OSBPL8: variants seen among roughly 807,000 people sequenced by gnomAD.
The protein encoded by OSBPL8 is oxysterol-binding protein-related protein 8.
Under a neutral mutation model 125.5 loss-of-function variants are expected in OSBPL8, and 59 were observed. The ratio of observed to expected loss-of-function variants is 0.47; its 90% CI spans 0.38 to 0.58. The LOEUF (loss-of-function observed/expected upper bound fraction) is 0.58, where lower values mean the gene tolerates loss of function less well. OSBPL8 is among the 20% of genes least tolerant of loss of function. OSBPL8 has a pLI of 0.00. For missense variants in OSBPL8, 758 were observed against 1,047.8 expected (o/e 0.72, Z 3.82); for synonymous variants, 330 against 338.9 (o/e 0.97, Z 0.29).
intron 7 of OSBPL8, among the ~76,000 whole-genome samples, chr12:76,399,173 AG>A (rs760788484): frequency 2.6e-5 from 4 of 152,194 alleles, no homozygotes; most frequent in Non-Finnish European, 5.9e-5. Context: ...GTCCTATGAC[AG>A]ATTTCATAAG....
At chr12:76,392,404 AT>A (rs1296393845) in intron 10 of OSBPL8, among the ~76,000 whole-genome samples, 176 bp downstream of exon 10, 2 of 152,190 alleles carry the variant, frequency 1.3e-5, no homozygotes, top group Admixed American at 6.5e-5. Flanking sequence ...AAGGAAATAC[AT>A]TTCTACACCT....
At chr12:76,441,357 C>CA (rs779623171) in intron 4 of OSBPL8, among the ~76,000 whole-genome samples, 2 of 150,928 alleles carry the variant, frequency 1.3e-5, no homozygotes, top group Non-Finnish European at 3.0e-5. Flanking sequence ...TTACAACAAC[C>CA]AAAAAAAAGA....
At chr12:76,458,025 G>A (rs570908979) in intron 3 of OSBPL8, among the ~76,000 whole-genome samples, 2 of 152,256 alleles carry the variant, frequency 1.3e-5, no homozygotes, top group African/African-American at 4.8e-5. Flanking sequence ...TCAGCATTTT[G>A]GGAAGCCAAG....
intron 1 of OSBPL8, among the ~76,000 whole-genome samples, chr12:76,510,712 T>C (rs1252826102): frequency 6.6e-6 from 1 of 151,984 alleles, no homozygotes; most frequent in Non-Finnish European, 1.5e-5. Flanking sequence ...AAACCCCATC[T>C]CTACTAAAAA....
chr12:76,555,365 A>G lies in OSBPL8; in HGVS notation c.-68+4032T>C, dbSNP rs192146090. 2.6e-5 allele frequency among the ~76,000 whole-genome samples: 4 copies of G among 150,950 alleles called. No homozygotes were observed. In the East Asian group the frequency reaches 7.7e-4, roughly 29 times the overall value. On this transcript the variant is annotated intron_variant, in intron 1 of 23. Coordinates refer to ENST00000261183, the MANE Select transcript of OSBPL8 (RefSeq NM_020841.5). The stretch of plus-strand genomic sequence containing the variant: ...GTCTGTAACATTAAGCAGTAATACA[A>G]TTAGGCCTCATTTCTACCAGAAAAC...
intron 4 of OSBPL8, among the ~76,000 whole-genome samples, chr12:76,441,633 T>C (rs1183428343): frequency 1.3e-5 from 2 of 152,086 alleles, no homozygotes; most frequent in Non-Finnish European, 2.9e-5. Context: ...GTACAGGTAA[T>C]AGTTGATCAT....
chr12:76,550,471 C>T (rs1177711960), intron 1 of OSBPL8, among the ~76,000 whole-genome samples: 2 of 152,128 alleles, frequency 1.3e-5, no homozygotes, highest in African/African-American at 2.4e-5. Context: ...GGGGAAAAAA[C>T]GTGTATTTGT....
intron 1 of OSBPL8, among the ~76,000 whole-genome samples, chr12:76,538,640 G>A (rs1950561360): frequency 6.6e-6 from 1 of 152,094 alleles, no homozygotes; most frequent in African/African-American, 2.4e-5. Flanking sequence ...TTGTCTATGG[G>A]ACATCTATAT....
At chr12:76,516,031 G>A (rs901154626) in intron 1 of OSBPL8, among the ~76,000 whole-genome samples, 2 of 151,990 alleles carry the variant, frequency 1.3e-5, no homozygotes, top group Non-Finnish European at 2.9e-5. Context: ...TAAGAACTGA[G>A]GTATGCAAAG....
chr12:76,401,295 G>A (rs1208284728), intron 6 of OSBPL8, among the ~76,000 whole-genome samples: 1 of 151,984 alleles, frequency 6.6e-6, no homozygotes, highest in Non-Finnish European at 1.5e-5. Flanking sequence ...CATGCAAAAA[G>A]GTCCCCCAAT....
At chr12:76,526,757 T>A (rs1236809452) in intron 1 of OSBPL8, among the ~76,000 whole-genome samples, 1 of 143,558 alleles carries the variant, frequency 7.0e-6, no homozygotes, top group Non-Finnish European at 1.5e-5. Context: ...TTCCAGCAAC[T>A]CTCCTGTCTC....
chr12:76,372,475 C>G (rs1488780047), intron 18 of OSBPL8, among the ~76,000 whole-genome samples: 1 of 151,962 alleles, frequency 6.6e-6, no homozygotes, highest in Non-Finnish European at 1.5e-5. Flanking sequence ...TGTGAGCCAC[C>G]CCACCCAGAC....
chr12:76,514,762 T>C (rs1183150363), intron 1 of OSBPL8, among the ~76,000 whole-genome samples: 1 of 152,212 alleles, frequency 6.6e-6, no homozygotes, highest in Non-Finnish European at 1.5e-5. Context: ...AGTCGTATGC[T>C]TTCCCTCCCT....
intron 1 of OSBPL8, among the ~76,000 whole-genome samples, chr12:76,534,489 G>A (rs897830826): frequency 1.3e-5 from 2 of 152,120 alleles, no homozygotes; most frequent in African/African-American, 2.4e-5. Flanking sequence ...ACGGGCTAAA[G>A]AAGAATACCA....
chr12:76,386,785 C>T, intron 12 of OSBPL8, 125 bp from the exon 13 acceptor site: 1 of 601,306 alleles, frequency 1.7e-6, no homozygotes, highest in Non-Finnish European at 2.9e-6. Context: ...AAATGGATGA[C>T]AAAACAACCA....
intron 4 of OSBPL8, among the ~76,000 whole-genome samples, chr12:76,429,887 T>TA (rs5799270): frequency 0.043 from 6,319 of 148,484 alleles, 411 homozygotes; most frequent in African/African-American, 0.14. Flanking sequence ...ACAAGGGTTT[T>TA]AAAAAAAAAA....
chr12:76,464,786 C>T (rs1875196438), intron 2 of OSBPL8, among the ~76,000 whole-genome samples: 1 of 152,198 alleles, frequency 6.6e-6, no homozygotes, highest in Non-Finnish European at 1.5e-5. Flanking sequence ...TGACAAAGAG[C>T]TCATCAAGCA....
At position 76,412,924 on chromosome 12, in the gene OSBPL8, T is replaced by C. The variant is rs527799859; in HGVS notation, c.218-2290A>G. On this transcript the variant is annotated intron_variant, in intron 4 of 23. Transcript: ENST00000261183. ...CTTTGCAGGCATAGTTAGCTGTTCC[T>C]TTCTATGACACAAACAGCACTTCAC... Among the ~76,000 whole-genome samples the C allele has an allele frequency of 3.9e-5, 6 of 152,308 alleles. 1 individual carries two copies. In the South Asian group the frequency reaches 1.2e-3, roughly 32 times the overall value.
chr12:76,502,842 CA>C (rs921684169), intron 1 of OSBPL8, among the ~76,000 whole-genome samples: 25 of 152,100 alleles, frequency 1.6e-4, no homozygotes, highest in Non-Finnish European at 7.4e-5. Context: ...GTTACAGAGA[CA>C]AAAATTGTAA....
Sources: allele counts gnomAD v4.1 joint callset (sites outside exome capture counted in the v4.1 genomes callset), GRCh38; gene constraint gnomAD v4.1.1; transcripts MANE v1.5; gene names NCBI Gene and HGNC (gene_info 2026-07-23, HGNC 2026-07-21).